Variants in DGKQ observed in about 807,000 individuals in gnomAD.
DGKQ encodes diacylglycerol kinase theta.
In DGKQ, 97 loss-of-function variants were observed where a neutral mutation model predicts 104.2. The ratio of observed to expected loss-of-function variants is 0.93; its 90% confidence interval spans 0.79 to 1.10. The LOEUF (loss-of-function observed/expected upper bound fraction) is 1.10, where lower values mean the gene tolerates loss of function less well. DGKQ is among the 50% of genes least tolerant of loss of function. The pLI, the probability that DGKQ is intolerant of heterozygous loss-of-function variation, is 0.00. For missense variants in DGKQ, 1,465 were observed against 1,352.1 expected (o/e 1.08, Z -1.31); for synonymous variants, 736 against 595.2 (o/e 1.24, Z -3.44).
chr4:961,410 A>T, intron 21 of DGKQ, 57 bp downstream of exon 21: 1 of 1,518,144 alleles, frequency 6.6e-7, no homozygotes, highest in Non-Finnish European at 8.9e-7. Context: ...AGCTGGGCTC[A>T]GCGGGGACCG....
chr4:964,446 C>T (rs1377351270), intron 15 of DGKQ, among the ~76,000 whole-genome samples: 3 of 152,188 alleles, frequency 2.0e-5, no homozygotes, highest in Admixed American at 6.5e-5. Flanking sequence ...GCACGGTGTG[C>T]AGCGTGGAGT....
At position 971,083 on chromosome 4, in the gene DGKQ, G is replaced by A. The variant is rs955959117; in HGVS notation, c.272-11C>T. The A allele has an allele frequency of 3.2e-6, 5 of 1,553,670 alleles. No individual in the cohort carries two copies. The highest frequency in any genetic ancestry group is 2.6e-6 in the Non-Finnish European group (3 of 1,147,672). On this transcript the variant is annotated splice_polypyrimidine_tract_variant and intron_variant, in intron 1 of 22. Coordinates refer to ENST00000273814, the MANE Select transcript of DGKQ (RefSeq NM_001347.4). This position sits in a 1 kb window ranked among gnomAD's most constrained non-coding sequence, Gnocchi z 4.0. ...ACATGAAATTGCAGACTGTGGGAATGAGCACTGTGTGAGTTGGCCCCTGTC... is the reference window on the plus strand; with the variant it reads ...ACATGAAATTGCAGACTGTGGGAATAAGCACTGTGTGAGTTGGCCCCTGTC...
At position 962,897 on chromosome 4, in the gene DGKQ, G is replaced by T; in HGVS notation, c.1910C>A (p.Pro637His). ...ACCACACACCAGCACCCGGAAGCAG[G>T]GCACCTGGGAGAACAGGTGGAGCCT... ...LPGLHLFSQV[P>H]CFRVLVCGGD... The change falls in exon 17 of 23, where the codon CCC (proline) becomes CAC (histidine). Residue 637 changes from proline (P) to histidine (H), a missense_variant. Coordinates refer to ENST00000273814, the MANE Select transcript of DGKQ (RefSeq NM_001347.4). 1 of 1,609,656 alleles carries T rather than the reference G, an allele frequency of 6.2e-7. No individual in the cohort carries two copies. The highest frequency in any genetic ancestry group is 8.5e-7 in the Non-Finnish European group (1 of 1,178,658).
At chr4:965,101 G>GTGCACCC in intron 15 of DGKQ, 75 bp downstream of exon 15, 1 of 1,175,486 alleles carries the variant, frequency 8.5e-7, no homozygotes, top group Non-Finnish European at 1.3e-6. Context: ...TGTGGGGCCT[G>GTGCACCC]TGCACCTGCA....
In DGKQ at chr4:971,773, G is replaced by A. The variant is rs895811292; in HGVS notation, c.272-701C>T. On this transcript the variant is annotated intron_variant, in intron 1 of 22. Coordinates refer to ENST00000273814, the MANE Select transcript of DGKQ (RefSeq NM_001347.4). The surrounding 1 kb of genome is among the most constrained non-coding windows in gnomAD (Gnocchi z 4.0). ...AACCCTGGGCTGGGGCAAAGGCTGC[G>A]GGGGCTGGGAGTGGGCAGGGCACCC... is the stretch of plus-strand genomic sequence containing the variant. Among the ~76,000 whole-genome samples the A allele has an allele frequency of 2.0e-5, 3 of 152,154 alleles. No individual in the cohort carries two copies. Among genetic ancestry groups the A allele is most frequent in the Non-Finnish European group, 4.4e-5 (3 of 68,002 alleles).
In DGKQ at chr4:960,390, C is replaced by T. The variant is rs1238452705; in HGVS notation, c.*230G>A. 2 of 582,448 alleles carry T rather than the reference C, an allele frequency of 3.4e-6. No individual in the cohort carries two copies. Among genetic ancestry groups the T allele is most frequent in the Non-Finnish European group, 6.2e-6 (2 of 324,550 alleles). The allele number at this position is 582,448 out of a possible 1,614,324, so 36.1% of individuals were successfully genotyped here. On this transcript the variant is annotated 3_prime_UTR_variant, in exon 23 of 23. Transcript: ENST00000273814. ...CACCCGGGACACGGGGTAACACTGCCACCCGCACACCAGTCTCCAGTGGGA... is the reference window on the plus strand; with the variant it reads ...CACCCGGGACACGGGGTAACACTGCTACCCGCACACCAGTCTCCAGTGGGA...
intron 16 of DGKQ, 57 bp downstream of exon 16, chr4:963,082 C>G: frequency 6.5e-7 from 1 of 1,539,016 alleles, no homozygotes; most frequent in African/African-American, 1.4e-5. Flanking sequence ...GTGGCAGCCT[C>G]CTGGGGCCCT....
chr4:970,175 G>A (rs989157834), intron 2 of DGKQ, among the ~76,000 whole-genome samples: 2 of 152,228 alleles, frequency 1.3e-5, no homozygotes, highest in African/African-American at 2.4e-5. Flanking sequence ...AGGGGACGGC[G>A]CAGCCGGATG....
At position 962,519 on chromosome 4, in the gene DGKQ, C is replaced by G. The variant is rs768028713; in HGVS notation, c.2130G>C (p.Val710=). 6.2e-7 allele frequency: 1 copy of G among 1,610,016 alleles called. No homozygotes were observed. The highest frequency in any genetic ancestry group is 8.5e-7 in the Non-Finnish European group (1 of 1,179,916). ...GCAGGATGGTCCAGCGGTCCATGAGCACGGCGTCGGCCTCGTCCACAGACA... is the reference window on the plus strand; with the variant it reads ...GCAGGATGGTCCAGCGGTCCATGAGGACGGCGTCGGCCTCGTCCACAGACA... The part of the protein sequence containing the change: ...VLLSVDEADA[V]LMDRWTILLD... Residue 710 remains valine, a synonymous_variant, in exon 18 of 23, where the codon GTG becomes GTC. Transcript: ENST00000273814.
intron 1 of DGKQ, among the ~76,000 whole-genome samples, chr4:972,808 C>A (rs1388987672): frequency 6.6e-6 from 1 of 152,198 alleles, no homozygotes; most frequent in Non-Finnish European, 1.5e-5. Flanking sequence ...CCCGGCCTGG[C>A]TCTCCAGGAG....
rs11946829 is a variant in DGKQ at position 962,459 on chromosome 4, G to A, written c.2190C>T (p.Asp730=). 1,852 of 1,596,394 alleles carry A rather than the reference G, an allele frequency of 1.2e-3. 24 individuals carry two copies. The African/African-American group carries it at 0.021, about 18-fold the overall frequency. Residue 730 remains aspartate (D), a synonymous_variant, in exon 18 of 23, where the codon GAC becomes GAT. Coordinates refer to ENST00000273814, the MANE Select transcript of DGKQ (RefSeq NM_001347.4). ...DAHEAGSAEN[D]TADAEPPKIV... is the part of the protein sequence containing the mutation. ...CCTTGGGGGGCTCTGCGTCTGCCGT[G>A]TCGTTCTCTGCACTGCCAGCCTCGT...
Position 971,200 on chromosome 4 carries a change from G to T in DGKQ, c.272-128C>A. 1 of 664,894 alleles carries T rather than the reference G, an allele frequency of 1.5e-6. No homozygotes were observed. Among genetic ancestry groups the T allele is most frequent in the Non-Finnish European group, 2.6e-6 (1 of 380,980 alleles). 41.2% of individuals were successfully genotyped at this position (664,894 alleles called of 1,614,324 possible). On this transcript the variant is annotated intron_variant, in intron 1 of 22. Transcript: ENST00000273814. This position sits in a 1 kb window ranked among gnomAD's most constrained non-coding sequence, Gnocchi z 4.0. ...CTGCACCAGGGGCCCTGTGGTCCTC[G>T]AGTTCCCCCACCACCCTGCCCACTC...
rs1182210832 is a variant in DGKQ, at chr4:961,898, G to C, written c.2316-64C>G. The C allele has an allele frequency of 3.7e-6, 6 of 1,603,932 alleles. No individual in the cohort carries two copies. In the Admixed American group the frequency reaches 5.0e-5, roughly 13 times the overall value. Reference sequence around the variant, plus strand: ...CCTACCCCGCCTTAGGCAGCCTCCGGGTTCCGGCCCCTCTGCCTGTTCCTG... The same window carrying C: ...CCTACCCCGCCTTAGGCAGCCTCCGCGTTCCGGCCCCTCTGCCTGTTCCTG... On this transcript the variant is annotated intron_variant, in intron 19 of 22. Coordinates refer to ENST00000273814, the MANE Select transcript of DGKQ (RefSeq NM_001347.4).
chr4:958,898 C>T lies in DGKQ; in HGVS notation c.*1722G>A, dbSNP rs1232368014. ...TGAGGAAGAGATGGTAGGATAGTGA[C>T]GCCCAGACTGTATTTGTCCTGGATA... On this transcript the variant is annotated 3_prime_UTR_variant, in exon 23 of 23. Transcript: ENST00000273814. 3.2e-5 allele frequency: 7 copies of T among 222,152 alleles called. No homozygotes were observed. In the East Asian group the frequency reaches 3.4e-4, roughly 11 times the overall value. 13.8% of individuals were successfully genotyped at this position (222,152 alleles called of 1,614,324 possible).
In DGKQ at chr4:961,560, G is replaced by A. The variant is rs970754055; in HGVS notation, c.2481C>T (p.Asp827=). Residue 827 remains aspartate (D), a synonymous_variant, in exon 21 of 23, where the codon GAC becomes GAT. Coordinates refer to ENST00000273814, the MANE Select transcript of DGKQ (RefSeq NM_001347.4). The stretch of plus-strand genomic sequence containing the variant: ...TGGTGTCGCTGTCGGAGCCCCACAG[G>A]TCGGCCCCCGAGCCCCAGCTGCCGC... The part of the protein sequence containing the change: ...INIPSWGSGA[D]LWGSDSDTRF... 10 of 1,608,786 alleles carry A rather than the reference G, an allele frequency of 6.2e-6. No homozygotes were observed. Among genetic ancestry groups the A allele is most frequent in the African/African-American group, 1.3e-5 (1 of 74,810 alleles).
intron 2 of DGKQ, 66 bp downstream of exon 2, chr4:970,927 T>C (rs1396056008): frequency 7.6e-7 from 1 of 1,308,514 alleles, no homozygotes; most frequent in Non-Finnish European, 1.1e-6. Context: ...TTTCAGTGCC[T>C]CGACCCTACG....
chr4:959,159 A>G lies in DGKQ; in HGVS notation c.*1461T>C, dbSNP rs961397074. 1.3e-5 allele frequency: 2 copies of G among 152,636 alleles called. No individual in the cohort carries two copies. The highest frequency in any genetic ancestry group is 6.5e-5 in the Admixed American group (1 of 15,286). 9.5% of individuals were successfully genotyped at this position (152,636 alleles called of 1,614,324 possible). ...CACGCTGGAGGCCACAAGCGGCCTT[A>G]CAATGCGTGTGTCTGTGCAGTTTGG... On this transcript the variant is annotated 3_prime_UTR_variant, in exon 23 of 23. Transcript: ENST00000273814.
Position 963,288 on chromosome 4 carries a change from G to A in DGKQ, c.1737C>T (p.His579=), listed in dbSNP as rs546028944. 62 of 1,599,932 alleles carry A rather than the reference G, an allele frequency of 3.9e-5. No individual in the cohort carries two copies. The highest frequency in any genetic ancestry group is 1.7e-4 in the Middle Eastern group (1 of 5,978). ...GACAGCTGTCTGGGGGCAGCTTCGC[G>A]TGCTGACAGACAGGGGGCTGGGTTA... The part of the protein sequence containing the change: ...LTALVLPDLL[H]AKLPPDSCPL... The change falls in exon 16 of 23, where the codon CAC becomes CAT. Residue 579 remains histidine (H), a splice_region_variant and synonymous_variant. Transcript: ENST00000273814.
intron 22 of DGKQ, 126 bp downstream of exon 22, chr4:960,923 C>T (rs1447278115): frequency 6.6e-7 from 1 of 1,505,972 alleles, no homozygotes; most frequent in Non-Finnish European, 8.9e-7. Context: ...AAGCAGGCAC[C>T]CTCCCGGAGT....
Sources: gnomAD v4.1 joint callset for allele counts (sites outside exome capture counted in the v4.1 genomes callset) on GRCh38, gnomAD v4.1.1 for gene constraint, Gnocchi (gnomAD v3.1) non-coding constraint, MANE v1.5 for transcripts, NCBI Gene and HGNC (gene_info 2026-07-23, HGNC 2026-07-21) for gene names.